Variants in PPARG observed in about 807,000 individuals in gnomAD.
PPARG encodes the protein peroxisome proliferator activated receptor gamma, also known as peroxisome proliferator-activated receptor gamma.
A neutral mutation model predicts 39.2 loss-of-function variants in PPARG; 17 were observed. The observed-to-expected ratio is 0.43, with a 90% CI of 0.30 to 0.65. PPARG has a LOEUF of 0.65. Among genes scored for constraint, PPARG ranks in the 30% least tolerant of loss-of-function variants. The probability of loss-of-function intolerance (pLI) is 0.13; values close to 1 mark genes in which losing one functional copy is unlikely to be tolerated. For synonymous variants in PPARG, 223 were observed against 215.7 expected, an observed-to-expected ratio of 1.03 and a Z score of -0.30; for missense variants, 406 against 585.9, an observed-to-expected ratio of 0.69 and a Z score of 3.17.
chr3:12,301,522 G>T (rs1362247075), intron 1 of PPARG: 2 of 152,148 alleles, frequency 1.3e-5, no homozygotes, highest in Admixed American at 6.5e-5. Flanking sequence ...CTTTTATAGG[G>T]TAGATATGTG....
At chr3:12,372,088 A>G (rs780990004) in intron 2 of PPARG, 23 of 721,518 alleles carry the variant, frequency 3.2e-5, no homozygotes, top group Non-Finnish European at 5.7e-5. Flanking sequence ...CAAAACTACA[A>G]AGGACCTATG....
chr3:12,397,216 G>C (rs186698498), intron 5 of PPARG, among the ~76,000 whole-genome samples: 7 of 151,236 alleles, frequency 4.6e-5, no homozygotes, highest in Non-Finnish European at 7.4e-5. Context: ...TTTCTCAGTG[G>C]CTTCATAAAA....
intron 2 of PPARG, among the ~76,000 whole-genome samples, chr3:12,326,281 T>C (rs1379881050): frequency 6.6e-6 from 1 of 152,214 alleles, no homozygotes; most frequent in Non-Finnish European, 1.5e-5. Context: ...CAAGATGAGC[T>C]GAGAAATGGA....
chr3:12,296,176 C>T (rs1407040244), intron 1 of PPARG, among the ~76,000 whole-genome samples: 6 of 138,362 alleles, frequency 4.3e-5, no homozygotes, highest in African/African-American at 1.1e-4. Flanking sequence ...CACTTGAACC[C>T]GGTAGGTGGA....
chr3:12,400,657 C>G (rs2050439758), intron 5 of PPARG, among the ~76,000 whole-genome samples: 1 of 152,148 alleles, frequency 6.6e-6, no homozygotes, highest in Non-Finnish European at 1.5e-5. Flanking sequence ...GTGACAGGTG[C>G]CAGATCTGTA....
upstream of PPARG, chr3:12,287,425 C>T (rs2046524072): frequency 6.6e-6 from 1 of 152,244 alleles, no homozygotes; most frequent in Admixed American, 6.5e-5. Context: ...GAAGAGAAAA[C>T]CAAGGGACCC....
At chr3:12,325,834 C>G (rs1466616622) in intron 2 of PPARG, among the ~76,000 whole-genome samples, 1 of 151,988 alleles carries the variant, frequency 6.6e-6, no homozygotes, top group Admixed American at 6.6e-5. Context: ...TGTGAATTGA[C>G]TGACAGTGGA....
chr3:12,366,813 G>A (rs1239275738), intron 2 of PPARG, among the ~76,000 whole-genome samples: 1 of 152,124 alleles, frequency 6.6e-6, no homozygotes, highest in Non-Finnish European at 1.5e-5. Context: ...TTTTGTTAAA[G>A]ATTTCTGCAT....
chr3:12,400,809 T>G (rs2050445335), intron 5 of PPARG, among the ~76,000 whole-genome samples: 1 of 152,222 alleles, frequency 6.6e-6, no homozygotes, highest in South Asian at 2.1e-4. Context: ...GAAGGAAACT[T>G]TAGAATCTTC....
At chr3:12,327,941 G>A (rs768456342) in intron 2 of PPARG, 11 of 679,168 alleles carry the variant, frequency 1.6e-5, no homozygotes, top group Non-Finnish European at 2.4e-5. Context: ...TTTACAAAAT[G>A]TGTGTATGGA....
At chr3:12,299,517 T>C (rs1439935078) in intron 1 of PPARG, among the ~76,000 whole-genome samples, 1 of 152,194 alleles carries the variant, frequency 6.6e-6, no homozygotes, top group Non-Finnish European at 1.5e-5. Flanking sequence ...ATAATATATT[T>C]ATAATTTCTG....
chr3:12,324,118 A>G (rs894812384), intron 2 of PPARG, among the ~76,000 whole-genome samples: 5 of 152,242 alleles, frequency 3.3e-5, no homozygotes, highest in African/African-American at 1.2e-4. Context: ...GTTTCCACTA[A>G]AAATACAAAA....
intron 2 of PPARG, among the ~76,000 whole-genome samples, chr3:12,321,999 A>C (rs2047559944): frequency 6.6e-6 from 1 of 152,228 alleles, no homozygotes; most frequent in South Asian, 2.1e-4. Flanking sequence ...TTGACTAAAT[A>C]TTATTTCTAA....
intron 2 of PPARG, among the ~76,000 whole-genome samples, chr3:12,324,704 C>T (rs747456716): frequency 1.1e-4 from 16 of 152,094 alleles, no homozygotes; most frequent in Admixed American, 6.5e-5. Flanking sequence ...ATTTATAAAA[C>T]GAACATGTTG....
At chr3:12,411,315 G>A (rs778440348) in intron 6 of PPARG, among the ~76,000 whole-genome samples, 3 of 152,024 alleles carry the variant, frequency 2.0e-5, no homozygotes, top group Non-Finnish European at 4.4e-5. Flanking sequence ...TAGTTCATTA[G>A]CATGTGAATA....
At chr3:12,370,446 TAAA>T (rs1360312811) in intron 2 of PPARG, among the ~76,000 whole-genome samples, 4 of 152,180 alleles carry the variant, frequency 2.6e-5, no homozygotes, top group Non-Finnish European at 5.9e-5. Flanking sequence ...ATTCTAAGGT[TAAA>T]GAAAAACTGA....
chr3:12,399,820 CAAAAAAA>C (rs36025945), intron 5 of PPARG, among the ~76,000 whole-genome samples: 17 of 103,276 alleles, frequency 1.6e-4, no homozygotes, highest in Admixed American at 1.1e-3. Context: ...CCATGTCTAC[CAAAAAAA>C]AAAAAAAAAA....
intron 5 of PPARG, among the ~76,000 whole-genome samples, chr3:12,393,147 G>T (rs2050138896): frequency 6.6e-6 from 1 of 150,428 alleles, no homozygotes; most frequent in African/African-American, 2.4e-5. Context: ...AAGATGTCTG[G>T]GTCTGAAACT....
At chr3:12,433,836 G>GC (rs2051755635) in intron 7 of PPARG, 62 bp from the exon 8 acceptor site, 1 of 1,611,372 alleles carries the variant, frequency 6.2e-7, no homozygotes, top group Admixed American at 1.7e-5. Flanking sequence ...GGCCTCCAAG[G>GC]CGGGGCCCAG....
Sources: allele counts gnomAD v4.1 joint callset (sites outside exome capture counted in the v4.1 genomes callset), GRCh38; gene constraint gnomAD v4.1.1; transcripts MANE v1.5; gene names NCBI Gene and HGNC (gene_info 2026-07-23, HGNC 2026-07-21).